PCDH9: variants seen among roughly 807,000 people sequenced by gnomAD.
The protein encoded by PCDH9 is protocadherin 9.
Under a neutral mutation model 70.6 loss-of-function variants are expected in PCDH9, and 24 were observed. The ratio of observed to expected loss-of-function variants is 0.34; its 90% CI spans 0.25 to 0.48. The LOEUF (loss-of-function observed/expected upper bound fraction) is 0.48. Among genes scored for constraint, PCDH9 ranks in the 20% least tolerant of loss-of-function variants. PCDH9 has a pLI of 0.99. For missense variants in PCDH9, 1,281 were observed against 1,503.6 expected (o/e 0.85, Z 2.45); for synonymous variants, 562 against 558.5 (o/e 1.01, Z -0.09).
chr13:66,858,537 T>G (rs553197220), intron 3 of PCDH9, among the ~76,000 whole-genome samples: 1 of 152,290 alleles, frequency 6.6e-6, no homozygotes, highest in African/African-American at 2.4e-5. Context: ...AATTTCCCTC[T>G]GTGTAGAATT....
chr13:66,500,270 T>C (rs1959169797), intron 4 of PCDH9, among the ~76,000 whole-genome samples: 1 of 152,152 alleles, frequency 6.6e-6, no homozygotes, highest in Non-Finnish European at 1.5e-5. Context: ...GCAATTTCAC[T>C]TCTGGGTACA....
intron 3 of PCDH9, among the ~76,000 whole-genome samples, chr13:66,845,246 C>T (rs943390690): frequency 1.3e-5 from 2 of 152,200 alleles, no homozygotes; most frequent in Non-Finnish European, 2.9e-5. Context: ...TGCCAAGCTG[C>T]CCTCAGCCCC....
intron 4 of PCDH9, among the ~76,000 whole-genome samples, chr13:66,496,343 T>TC (rs992326611): frequency 2.6e-5 from 4 of 152,146 alleles, no homozygotes; most frequent in African/African-American, 7.2e-5. Context: ...TCATTTTTGA[T>TC]CCCCCCAAAT....
intron 3 of PCDH9, among the ~76,000 whole-genome samples, chr13:66,760,441 T>G (rs1464722519): frequency 6.6e-6 from 1 of 152,178 alleles, no homozygotes; most frequent in African/African-American, 2.4e-5. Context: ...TGTGAAGATT[T>G]CATGGACATT....
chr13:67,136,046 T>C (rs1436230244), intron 2 of PCDH9, among the ~76,000 whole-genome samples: 1 of 152,196 alleles, frequency 6.6e-6, no homozygotes, highest in Non-Finnish European at 1.5e-5. Flanking sequence ...ATAGCAATGT[T>C]CCAGTCAAGG....
intron 3 of PCDH9, among the ~76,000 whole-genome samples, chr13:66,762,400 C>T (rs1287375861): frequency 6.6e-6 from 1 of 152,014 alleles, no homozygotes; most frequent in Non-Finnish European, 1.5e-5. Flanking sequence ...CTGCCTGGTG[C>T]TAGGTTTTAC....
intron 3 of PCDH9, among the ~76,000 whole-genome samples, chr13:66,866,087 C>T (rs1294290416): frequency 6.6e-6 from 1 of 152,046 alleles, no homozygotes; most frequent in African/African-American, 2.4e-5. Context: ...GAAAAAAAGG[C>T]GGGAATAAAT....
At chr13:66,426,335 G>A (rs2138363194) in intron 4 of PCDH9, among the ~76,000 whole-genome samples, 1 of 151,668 alleles carries the variant, frequency 6.6e-6, no homozygotes, top group South Asian at 2.1e-4. Context: ...CAAAGAATAT[G>A]TAAAGTATAT....
intron 4 of PCDH9, among the ~76,000 whole-genome samples, chr13:66,417,031 A>T (rs913462936): frequency 6.6e-6 from 1 of 151,920 alleles, no homozygotes; most frequent in Non-Finnish European, 1.5e-5. Context: ...TGATAAATGA[A>T]TTTTTTTTAT....
chr13:66,912,038 T>C (rs2082476369), intron 2 of PCDH9, among the ~76,000 whole-genome samples: 1 of 152,146 alleles, frequency 6.6e-6, no homozygotes. Context: ...TAACTGTATT[T>C]GTACCTTGAA....
chr13:66,808,993 G>C (rs1252462247), intron 3 of PCDH9, among the ~76,000 whole-genome samples: 1 of 152,142 alleles, frequency 6.6e-6, no homozygotes. Context: ...TGTCACCCAC[G>C]CTGGAGTGCG....
chr13:66,616,400 GTTTT>G (rs139846605), intron 4 of PCDH9, among the ~76,000 whole-genome samples: 1 of 145,216 alleles, frequency 6.9e-6, no homozygotes, highest in South Asian at 2.2e-4. Flanking sequence ...CCTATCAGAA[GTTTT>G]TTTTTTTTTA....
intron 4 of PCDH9, among the ~76,000 whole-genome samples, chr13:66,315,476 ACT>A (rs1259549184): frequency 1.3e-5 from 2 of 150,346 alleles, no homozygotes; most frequent in East Asian, 3.9e-4. Context: ...GGCCCAAGCC[ACT>A]CTCTTTTTTT....
chr13:67,071,886 C>T (rs1269761515), intron 2 of PCDH9, among the ~76,000 whole-genome samples: 5 of 28,126 alleles, frequency 1.8e-4, no homozygotes, highest in Non-Finnish European at 3.3e-4. Context: ...GAGACTTTGT[C>T]TCAAAAAAAA....
chr13:66,865,397 T>C (rs73503478), intron 3 of PCDH9, among the ~76,000 whole-genome samples: 139 of 152,350 alleles, frequency 9.1e-4, no homozygotes, highest in African/African-American at 3.3e-3. Flanking sequence ...ATTTTAAACA[T>C]TTCTTTTCAT....
intron 4 of PCDH9, among the ~76,000 whole-genome samples, chr13:66,403,126 C>A (rs1462971066): frequency 6.6e-6 from 1 of 151,690 alleles, no homozygotes; most frequent in Admixed American, 6.6e-5. Flanking sequence ...CCATTTACAG[C>A]TTTAGATGTA....
intron 4 of PCDH9, among the ~76,000 whole-genome samples, chr13:66,612,233 A>G (rs1020381349): frequency 3.9e-5 from 6 of 152,334 alleles, no homozygotes; most frequent in East Asian, 3.9e-4. Flanking sequence ...TGCCAAAAGG[A>G]CCACTAAACA....
At chr13:67,177,341 T>C (rs2088490269) in intron 2 of PCDH9, among the ~76,000 whole-genome samples, 1 of 152,150 alleles carries the variant, frequency 6.6e-6, no homozygotes, top group Non-Finnish European at 1.5e-5. Context: ...AAAAACTCTT[T>C]GTTCCTTCTC....
chr13:66,792,056 C>T (rs544978849), intron 3 of PCDH9, among the ~76,000 whole-genome samples: 6 of 152,250 alleles, frequency 3.9e-5, no homozygotes, highest in African/African-American at 1.4e-4. Context: ...CTGCAAATTT[C>T]AATTCACGAA....
Sources: allele counts gnomAD v4.1 joint callset (sites outside exome capture counted in the v4.1 genomes callset), GRCh38; gene constraint gnomAD v4.1.1; transcripts MANE v1.5; gene names NCBI Gene and HGNC (gene_info 2026-07-23, HGNC 2026-07-21).